AGO4: variants seen among roughly 807,000 people sequenced by gnomAD.
AGO4 encodes protein argonaute-4.
A neutral mutation model predicts 104.7 loss-of-function variants in AGO4; 33 were observed. The observed-to-expected ratio is 0.32, with a 90% CI of 0.24 to 0.42. AGO4 has a LOEUF of 0.42. Ranked by LOEUF, AGO4 falls within the 10% of genes least tolerant of loss-of-function variation. The pLI is 1.00. For synonymous variants in AGO4, 331 were observed against 364.7 expected (o/e 0.91, Z 1.05); for missense variants, 711 against 1,083.4 (o/e 0.66, Z 4.83).
chr1:35,808,573 A>G lies in AGO4; in HGVS notation c.19+138A>G, dbSNP rs1384232456. ...AAGGGGACCCGAGCCCCGCAGCACG[A>G]AGCGGAGGGAGCTGACCCGGGCCTG... On this transcript the variant is annotated intron_variant, in intron 1 of 17. Transcript: ENST00000373210. This position sits in a 1 kb window ranked among gnomAD's most constrained non-coding sequence, Gnocchi z 5.2. 1 of 788,228 alleles carries G rather than the reference A, an allele frequency of 1.3e-6. No homozygotes were observed. Among genetic ancestry groups the G allele is most frequent in the African/African-American group, 1.9e-5 (1 of 53,476 alleles). The allele number at this position is 788,228 out of a possible 1,614,324, so 48.8% of individuals were successfully genotyped here.
intron 1 of AGO4, among the ~76,000 whole-genome samples, chr1:35,810,842 C>A (rs907356105): frequency 6.6e-6 from 1 of 152,046 alleles, no homozygotes; most frequent in Non-Finnish European, 1.5e-5. Context: ...TTTTGGGATA[C>A]CCTGAAAATA....
Position 35,826,928 on chromosome 1 carries a change from A to G in AGO4, c.848+93A>G, listed in dbSNP as rs904733511. On this transcript the variant is annotated intron_variant, in intron 7 of 17. Coordinates refer to ENST00000373210, the MANE Select transcript of AGO4 (RefSeq NM_017629.4). ...TTAAGAAATTGGTTATTGGCCGGGC[A>G]CAGTGGCTCACACCTGTAATCCCAG... 8 of 1,269,994 alleles carry G rather than the reference A, an allele frequency of 6.3e-6. No homozygotes were observed. In the Admixed American group the frequency reaches 1.7e-4, roughly 27 times the overall value. 78.7% of individuals were successfully genotyped at this position (1,269,994 alleles called of 1,614,324 possible). A position where few individuals can be genotyped will look rare whatever the true frequency, so the allele number is the denominator to read the frequency against.
intron 1 of AGO4, among the ~76,000 whole-genome samples, chr1:35,812,261 T>A (rs1643533749): frequency 6.6e-6 from 1 of 152,122 alleles, no homozygotes; most frequent in African/African-American, 2.4e-5. Flanking sequence ...TCAAACTAAA[T>A]CTTCTAAGCT....
chr1:35,829,562 G>A (rs899925249), intron 7 of AGO4, among the ~76,000 whole-genome samples: 7 of 152,100 alleles, frequency 4.6e-5, no homozygotes, highest in African/African-American at 1.2e-4. Flanking sequence ...CGGGCTGGGC[G>A]TGGTGGCTCA....
chr1:35,835,748 A>G, intron 12 of AGO4, 86 bp from the exon 13 acceptor site: 3 of 1,168,026 alleles, frequency 2.6e-6, no homozygotes, highest in Non-Finnish European at 3.6e-6. Context: ...TAGGTTATAA[A>G]GTTAATGTGT....
chr1:35,828,525 C>A (rs1268394077), intron 7 of AGO4, among the ~76,000 whole-genome samples: 2 of 146,556 alleles, frequency 1.4e-5, no homozygotes, highest in Non-Finnish European at 3.0e-5. Context: ...CCCAACACTT[C>A]TTTTTTTTTT....
intron 17 of AGO4, among the ~76,000 whole-genome samples, chr1:35,851,887 C>T (rs536969861): frequency 2.6e-5 from 4 of 152,190 alleles, no homozygotes; most frequent in East Asian, 1.9e-4. Flanking sequence ...TTCTTGTCCA[C>T]GGGGATTTTA....
intron 13 of AGO4, among the ~76,000 whole-genome samples, chr1:35,838,658 G>A (rs765043351): frequency 2.0e-5 from 3 of 152,102 alleles, no homozygotes; most frequent in South Asian, 2.1e-4. Context: ...GGCAAGACAG[G>A]GATATGATAG....
At chr1:35,849,309 G>C (rs1644645330) in intron 15 of AGO4, among the ~76,000 whole-genome samples, 1 of 152,068 alleles carries the variant, frequency 6.6e-6, no homozygotes, top group Non-Finnish European at 1.5e-5. Context: ...GCCTAGATCT[G>C]AAACTGATTT....
At chr1:35,850,039 A>G (rs2148688107) in intron 15 of AGO4, 118 bp from the exon 16 acceptor site, 1 of 642,900 alleles carries the variant, frequency 1.6e-6, no homozygotes, top group South Asian at 1.9e-5. Context: ...AATGAAAGTG[A>G]TTTTCAAGAC....
At chr1:35,818,096 G>GAGATGGA (rs1571260202) in intron 2 of AGO4, among the ~76,000 whole-genome samples, 1 of 152,152 alleles carries the variant, frequency 6.6e-6, no homozygotes, top group Non-Finnish European at 1.5e-5. Flanking sequence ...AAAGAAAATA[G>GAGATGGA]AGATGGAAGA....
At chr1:35,823,253 T>TC (rs1361567803) in intron 3 of AGO4, among the ~76,000 whole-genome samples, 2 of 135,630 alleles carry the variant, frequency 1.5e-5, no homozygotes, top group Non-Finnish European at 3.3e-5. Flanking sequence ...TTCTTAGAAA[T>TC]TTTTTTTTTT....
intron 11 of AGO4, among the ~76,000 whole-genome samples, chr1:35,833,435 T>G (rs1297574096): frequency 6.6e-6 from 1 of 152,228 alleles, no homozygotes; most frequent in Non-Finnish European, 1.5e-5. Context: ...TTCTCAAATC[T>G]AAAATTTAAA....
chr1:35,818,349 C>T (rs117575262), intron 2 of AGO4, among the ~76,000 whole-genome samples: 95 of 152,214 alleles, frequency 6.2e-4, no homozygotes, highest in East Asian at 3.7e-3. Flanking sequence ...GCAGGCCGGG[C>T]GTGATGGCTC....
At position 35,831,582 on chromosome 1, in the gene AGO4, A is replaced by G. The variant is rs1644186553; in HGVS notation, c.996+8A>G. 1 of 1,607,620 alleles carries G rather than the reference A, an allele frequency of 6.2e-7. No individual in the cohort carries two copies. Among genetic ancestry groups the G allele is most frequent in the East Asian group, 2.2e-5 (1 of 44,838 alleles). ...ACATACTTGCCACTCGAGGTAAGTTAAATTTTCTTTTGCCAATTTGCTGAT... is the reference window on the plus strand; with the variant it reads ...ACATACTTGCCACTCGAGGTAAGTTGAATTTTCTTTTGCCAATTTGCTGAT... On this transcript the variant is annotated splice_region_variant and intron_variant, in intron 8 of 17. Transcript: ENST00000373210.
In AGO4 at chr1:35,855,551, C is replaced by T. The variant is rs1052719133; in HGVS notation, c.*1946C>T. Reference sequence around the variant, plus strand: ...GCTCATTAAGCTGAGTGCAGACGTCCTTAATCCCTGCAGATAGTGGGATGA... The same window carrying T: ...GCTCATTAAGCTGAGTGCAGACGTCTTTAATCCCTGCAGATAGTGGGATGA... On this transcript the variant is annotated 3_prime_UTR_variant, in exon 18 of 18. Transcript: ENST00000373210. The T allele has an allele frequency of 4.6e-5, 7 of 152,434 alleles. No individual in the cohort carries two copies. The highest frequency in any genetic ancestry group is 1.0e-4 in the Non-Finnish European group (7 of 68,024). 9.4% of individuals were successfully genotyped at this position (152,434 alleles called of 1,614,324 possible).
intron 17 of AGO4, among the ~76,000 whole-genome samples, chr1:35,851,833 G>T (rs186280319): frequency 6.6e-6 from 1 of 152,292 alleles, no homozygotes; most frequent in African/African-American, 2.4e-5. Context: ...TGTGTGCCTA[G>T]TACTGTGCTA....
intron 2 of AGO4, among the ~76,000 whole-genome samples, chr1:35,821,271 G>A (rs940740695): frequency 1.3e-5 from 2 of 152,136 alleles, no homozygotes; most frequent in Non-Finnish European, 2.9e-5. Flanking sequence ...GAGATTGTAC[G>A]ATACCACGTC....
chr1:35,850,095 A>G (rs943369761), intron 15 of AGO4, 62 bp from the exon 16 acceptor site: 14 of 1,182,574 alleles, frequency 1.2e-5, no homozygotes, highest in Non-Finnish European at 1.7e-5. Context: ...CACAAAAGAA[A>G]AAAATGGCCT....
Sources: allele counts gnomAD v4.1 joint callset (sites outside exome capture counted in the v4.1 genomes callset), GRCh38; gene constraint gnomAD v4.1.1; non-coding constraint Gnocchi (gnomAD v3.1); transcripts MANE v1.5; gene names NCBI Gene and HGNC (gene_info 2026-07-23, HGNC 2026-07-21).